ZFYVE26: variants seen among roughly 807,000 people sequenced by gnomAD.
ZFYVE26 encodes zinc finger FYVE-type containing 26, also known as zinc finger FYVE domain-containing protein 26.
A neutral mutation model predicts 276.5 loss-of-function variants in ZFYVE26; 181 were observed. That is an observed-to-expected ratio of 0.65 (90% CI 0.58 to 0.74). ZFYVE26 has a LOEUF of 0.74. ZFYVE26 is among the 30% of genes least tolerant of loss of function. The probability of loss-of-function intolerance (pLI) is 0.00; values close to 1 mark genes in which losing one functional copy is unlikely to be tolerated. For missense variants in ZFYVE26, 2,821 were observed against 3,097.9 expected (o/e 0.91, Z 2.12); for synonymous variants, 1,129 against 1,203.1 (o/e 0.94, Z 1.27).
At position 67,769,725 on chromosome 14, in the gene ZFYVE26, G is replaced by A. The variant is rs754788042; in HGVS notation, c.5490C>T (p.Asn1830=). Residue 1830 remains asparagine, a synonymous_variant, in exon 29 of 42, where the codon AAC becomes AAT. Coordinates refer to ENST00000347230, the MANE Select transcript of ZFYVE26 (RefSeq NM_015346.4). ...VCCREHFTMF[N]RRHHCRRCGR... ...CACAGCGGCGACAATGATGACGCCT[G>A]TTAAACTGAGGAATGCCATCAGGAG... 1.2e-6 allele frequency: 2 copies of A among 1,614,096 alleles called. No individual in the cohort carries two copies. Among genetic ancestry groups the A allele is most frequent in the East Asian group, 2.2e-5 (1 of 44,882 alleles).
chr14:67,765,937 T>C (rs1206547103), intron 32 of ZFYVE26, among the ~76,000 whole-genome samples: 3 of 152,176 alleles, frequency 2.0e-5, no homozygotes, highest in East Asian at 3.9e-4. Context: ...TTGACTTTAA[T>C]GACAAATCAA....
At chr14:67,730,895 C>T (rs1002092425) in intron 13 of ZFYVE26, among the ~76,000 whole-genome samples, 7 of 152,142 alleles carry the variant, frequency 4.6e-5, no homozygotes, top group African/African-American at 9.7e-5. Context: ...TGAGCCACCG[C>T]GCCCAGCCCC....
At position 67,793,666 on chromosome 14, in the gene ZFYVE26, G is replaced by C. The variant is rs780308957; in HGVS notation, c.2495C>G (p.Pro832Arg). The change falls in exon 14 of 42, where the codon CCA (proline) becomes CGA (arginine). Residue 832 changes from proline to arginine, a missense_variant. Coordinates refer to ENST00000347230, the MANE Select transcript of ZFYVE26 (RefSeq NM_015346.4). Reference sequence around the variant, plus strand: ...GCAGGATGCCAGCAGTGACTCAGGTGGGGAGAACATCATGGGGATGAGTGA... The same window carrying C: ...GCAGGATGCCAGCAGTGACTCAGGTCGGGAGAACATCATGGGGATGAGTGA... The part of the protein sequence containing the change: ...QSSLIPMMFS[P>R]PESLLASCIL... 3.1e-6 allele frequency: 5 copies of C among 1,613,752 alleles called. No homozygotes were observed. The highest frequency in any genetic ancestry group is 4.2e-6 in the Non-Finnish European group (5 of 1,179,892).
chr14:67,798,531 G>A lies in ZFYVE26; in HGVS notation c.1731C>T (p.Asn577=). The stretch of plus-strand genomic sequence containing the variant: ...AGGTGATGAGAAGCAATGAGAAGAT[G>A]TTTTCCAGAAGCTCCAGGCACAGAG... The part of the protein sequence containing the change: ...PDSLCLELLE[N]IFSLLLITSA... The change falls in exon 11 of 42, where the codon AAC becomes AAT. Residue 577 remains asparagine (N), a synonymous_variant. Transcript: ENST00000347230. 1 of 1,614,184 alleles carries A rather than the reference G, an allele frequency of 6.2e-7. No individual in the cohort carries two copies. The highest frequency in any genetic ancestry group is 8.5e-7 in the Non-Finnish European group (1 of 1,180,046).
In ZFYVE26 at chr14:67,785,930, C is replaced by T. The variant is rs776725757; in HGVS notation, c.3232G>A (p.Ala1078Thr). Reference sequence around the variant, plus strand: ...TGCTGGGAGAGGGTGGTGTGGCTGGCAACACAGTCCTCGCTTAGGCTGGGC... The same window carrying T: ...TGCTGGGAGAGGGTGGTGTGGCTGGTAACACAGTCCTCGCTTAGGCTGGGC... ...CWPSLSEDCV[A>T]SHTTLSQQLD... The change falls in exon 18 of 42, where the codon GCC becomes ACC. Residue 1078 changes from alanine (A) to threonine (T), a missense_variant. Physicochemically the swap from Ala to Thr is moderately conservative, Grantham distance 58. Transcript: ENST00000347230. 1.2e-6 allele frequency: 2 copies of T among 1,614,066 alleles called. No homozygotes were observed. Among genetic ancestry groups the T allele is most frequent in the Non-Finnish European group, 1.7e-6 (2 of 1,180,046 alleles).
At chr14:67,758,696 C>T (rs940018299) in intron 35 of ZFYVE26, among the ~76,000 whole-genome samples, 5 of 152,026 alleles carry the variant, frequency 3.3e-5, no homozygotes, top group Non-Finnish European at 5.9e-5. Flanking sequence ...AGTGCAGTGG[C>T]GCAATCTTGG....
chr14:67,794,366 T>G, intron 12 of ZFYVE26, 127 bp from the exon 13 acceptor site: 1 of 928,956 alleles, frequency 1.1e-6, no homozygotes, highest in Non-Finnish European at 1.8e-6. Flanking sequence ...CTATGACACC[T>G]GCTGCTCCTT....
Position 67,776,057 on chromosome 14 carries a change from G to A in ZFYVE26, c.5024C>T (p.Ser1675Phe). Reference protein sequence around the residue: ...EQHRASYSHLSSNPLFMLEQL... With the variant: ...EQHRASYSHLFSNPLFMLEQL... ...CTCCAGCATGAACAGGGGGTTAGAG[G>A]ACAAGTGGGAATAGCTGGCCCGGTG... The change falls in exon 26 of 42, where the codon TCC (serine) becomes TTC (phenylalanine). Residue 1675 changes from serine (S) to phenylalanine (F), a missense_variant. Physicochemically the swap from Ser to Phe is radical, Grantham distance 155. Transcript: ENST00000347230. 6.2e-7 allele frequency: 1 copy of A among 1,614,210 alleles called. No individual in the cohort carries two copies. The highest frequency in any genetic ancestry group is 8.5e-7 in the Non-Finnish European group (1 of 1,180,030).
rs1342369957 is a variant in ZFYVE26, at chr14:67,805,208, G to T, written c.1271+9C>A. 1 of 1,613,218 alleles carries T rather than the reference G, an allele frequency of 6.2e-7. No individual in the cohort carries two copies. The highest frequency in any genetic ancestry group is 1.7e-5 in the Admixed American group (1 of 59,948). The stretch of plus-strand genomic sequence containing the variant: ...GTGGTGGGCAGGCGCTGACTGCACA[G>T]GGCCATACCTGCTCTGCTGTATGCA... On this transcript the variant is annotated intron_variant, in intron 8 of 41. Transcript: ENST00000347230.
intron 13 of ZFYVE26, among the ~76,000 whole-genome samples, chr14:67,736,469 T>G (rs374515081): frequency 1.7e-4 from 26 of 152,316 alleles, no homozygotes; most frequent in African/African-American, 5.8e-4. Flanking sequence ...TAAAGTTAGA[T>G]TCTTTGCCTC....
At chr14:67,816,122 T>A in intron 1 of ZFYVE26, 76 bp from the exon 2 acceptor site, 1 of 609,892 alleles carries the variant, frequency 1.6e-6, no homozygotes, top group South Asian at 2.3e-5. Flanking sequence ...CTGGTCCGCC[T>A]GGGAAAGGCG....
At chr14:67,813,296 C>T (rs1186937138) in intron 3 of ZFYVE26, among the ~76,000 whole-genome samples, 1 of 152,170 alleles carries the variant, frequency 6.6e-6, no homozygotes, top group African/African-American at 2.4e-5. Flanking sequence ...AATAACTTTA[C>T]GGTGTGTCCT....
chr14:67,735,108 A>G, intron 13 of ZFYVE26: 1 of 779,606 alleles, frequency 1.3e-6, no homozygotes, highest in Non-Finnish European at 2.3e-6. Flanking sequence ...AAAGAATGCA[A>G]AAGAAAACAA....
chr14:67,814,041 T>C lies in ZFYVE26; in HGVS notation c.218A>G (p.Gln73Arg), dbSNP rs775885541. Residue 73 changes from glutamine to arginine, a missense_variant, in exon 3 of 42, where the codon CAA (glutamine) becomes CGA (arginine). Gln to Arg is a conservative substitution (Grantham distance 43, BLOSUM62 1). Coordinates refer to ENST00000347230, the MANE Select transcript of ZFYVE26 (RefSeq NM_015346.4). ...LLRCGQDINP[Q>R]RVAWVWLLVL... ...AAGAAGCCAGACCCAGGCTACTCTTTGAGGGTTGATGTCCTGCCCACATCT... is the reference window on the plus strand; with the variant it reads ...AAGAAGCCAGACCCAGGCTACTCTTCGAGGGTTGATGTCCTGCCCACATCT... 11 of 1,613,848 alleles carry C rather than the reference T, an allele frequency of 6.8e-6. No homozygotes were observed. The highest frequency in any genetic ancestry group is 9.3e-6 in the Non-Finnish European group (11 of 1,179,910).
intron 15 of ZFYVE26, 118 bp from the exon 16 acceptor site, chr14:67,789,716 C>G: frequency 7.6e-7 from 1 of 1,317,202 alleles, no homozygotes; most frequent in South Asian, 1.2e-5. Flanking sequence ...GGGTATCTTT[C>G]ATGTATATTA....
In ZFYVE26 at chr14:67,782,804, C is replaced by A. The variant is rs141378243; in HGVS notation, c.4348G>T (p.Val1450Phe). ...VDDLSSIKDA[V>F]LSCAVACDKE... ...CCACATGCCACAGCACAGCTCAGGA[C>A]TGCATCCTTTATGCTGCTCAAATCG... The change falls in exon 21 of 42, where the codon GTC becomes TTC. Residue 1450 changes from valine to phenylalanine, a missense_variant. Coordinates refer to ENST00000347230, the MANE Select transcript of ZFYVE26 (RefSeq NM_015346.4). 9.7e-5 allele frequency: 157 copies of A among 1,614,128 alleles called. No individual in the cohort carries two copies. Among genetic ancestry groups the A allele is most frequent in the Non-Finnish European group, 1.3e-4 (149 of 1,180,052 alleles).
downstream of ZFYVE26, among the ~76,000 whole-genome samples, chr14:67,745,691 A>G (rs1202816411): frequency 3.3e-5 from 5 of 152,066 alleles, no homozygotes; most frequent in African/African-American, 1.2e-4. Context: ...TATTGAAAAG[A>G]TATGTAGAGC....
chr14:67,731,555 C>G, intron 13 of ZFYVE26, among the ~76,000 whole-genome samples: 1 of 151,758 alleles, frequency 6.6e-6, no homozygotes, highest in East Asian at 1.9e-4. Flanking sequence ...ACTCTAGAGT[C>G]TGAGTGTTTA....
intron 35 of ZFYVE26, among the ~76,000 whole-genome samples, chr14:67,759,007 A>C (rs2038859757): frequency 6.6e-6 from 1 of 150,790 alleles, no homozygotes; most frequent in African/African-American, 2.4e-5. Context: ...TGGGAGGCCG[A>C]GGCGGGCAGA....
Sources: allele counts gnomAD v4.1 joint callset (sites outside exome capture counted in the v4.1 genomes callset), GRCh38; gene constraint gnomAD v4.1.1; transcripts MANE v1.5; gene names NCBI Gene and HGNC (gene_info 2026-07-23, HGNC 2026-07-21).